ARMH4: variants seen among roughly 807,000 people sequenced by gnomAD.
ARMH4 encodes the protein armadillo like helical domain containing 4, also known as armadillo-like helical domain-containing protein 4.
A neutral mutation model predicts 61.9 loss-of-function variants in ARMH4; 49 were observed. That is an observed-to-expected ratio of 0.79 (90% CI 0.63 to 1.00). The LOEUF (loss-of-function observed/expected upper bound fraction) is 1.00, where lower values mean the gene tolerates loss of function less well. Among genes scored for constraint, ARMH4 ranks in the 50% least tolerant of loss-of-function variants. The pLI, the probability that ARMH4 is intolerant of heterozygous loss-of-function variation, is 0.00. For missense variants in ARMH4, 934 were observed against 930.0 expected, an observed-to-expected ratio of 1.00 and a Z score of -0.06; for synonymous variants, 368 against 341.5, an observed-to-expected ratio of 1.08 and a Z score of -0.85.
At position 58,051,099 on chromosome 14, in the gene ARMH4, AAGGATC is replaced by A. The variant is rs1884125210; in HGVS notation, c.2090-38955_2090-38950del. Among the ~76,000 whole-genome samples the A allele has an allele frequency of 2.0e-5, 3 of 151,282 alleles. No homozygotes were observed. In the East Asian group the frequency reaches 5.8e-4, roughly 29 times the overall value. ...TTGATCAGGCACCCATACGAGATTC[AAGGATC>A]TATTTGGGGGAGGGGGTTAACAAAT... On this transcript the variant is annotated intron_variant, in intron 5 of 7. Transcript: ENST00000267485.
intron 6 of ARMH4, among the ~76,000 whole-genome samples, chr14:58,011,107 T>C (rs1006842738): frequency 5.9e-5 from 9 of 152,156 alleles, no homozygotes; most frequent in Non-Finnish European, 1.0e-4. Context: ...ATGGCCTCCA[T>C]TGACCTCAAC....
At chr14:58,128,332 T>A (rs768840554) in intron 4 of ARMH4, among the ~76,000 whole-genome samples, 24 of 152,340 alleles carry the variant, frequency 1.6e-4, no homozygotes, top group Non-Finnish European at 3.1e-4. Flanking sequence ...ACAAAGATCA[T>A]GTCCAAAAAT....
intron 4 of ARMH4, among the ~76,000 whole-genome samples, chr14:58,105,071 C>A (rs1566582180): frequency 1.3e-5 from 2 of 152,094 alleles, no homozygotes; most frequent in Non-Finnish European, 2.9e-5. Context: ...TAGTTACACC[C>A]AAAATAAATA....
chr14:58,138,088 G>A lies in ARMH4; in HGVS notation c.1271C>T (p.Ser424Phe). The change falls in exon 2 of 8, where the codon TCC becomes TTC. Residue 424 changes from serine (S) to phenylalanine (F), a missense_variant. Physicochemically the swap from Ser to Phe is radical, Grantham distance 155. Coordinates refer to ENST00000267485, the MANE Select transcript of ARMH4 (RefSeq NM_001001872.4). ...LLQSTGDFTE[S>F]TKENDALFFL... is the part of the protein sequence containing the mutation. ...AAACAGGGCATCGTTTTCCTTGGTG[G>A]ATTCCGTGAAGTCTCCCGTACTTTG... The A allele has an allele frequency of 6.2e-7, 1 of 1,614,214 alleles. No individual in the cohort carries two copies. Among genetic ancestry groups the A allele is most frequent in the South Asian group, 1.1e-5 (1 of 91,074 alleles).
intron 5 of ARMH4, among the ~76,000 whole-genome samples, chr14:58,077,713 G>A (rs764832219): frequency 5.3e-5 from 8 of 152,136 alleles, no homozygotes; most frequent in Non-Finnish European, 1.5e-5. Flanking sequence ...ACTGAAGCTC[G>A]GAGAGGTTAA....
intron 2 of ARMH4, among the ~76,000 whole-genome samples, chr14:58,135,493 T>G (rs1887274176): frequency 6.6e-6 from 1 of 152,222 alleles, no homozygotes; most frequent in South Asian, 2.1e-4. Context: ...TGTAATTTTA[T>G]GAAATAGCAA....
rs79684806 is a variant in ARMH4 at position 58,006,447 on chromosome 14, C to G, written c.2122-1265G>C. ...TGAAGTATGCAGGCTGTGATGTTTT[C>G]CCAACATTTCTAGCAGGACATCCAA... On this transcript the variant is annotated intron_variant, in intron 6 of 7. Transcript: ENST00000267485. Among the ~76,000 whole-genome samples the G allele has an allele frequency of 9.1e-3, 1,378 of 152,172 alleles. 15 individuals carry two copies. The highest frequency in any genetic ancestry group is 0.031 in the African/African-American group (1,273 of 41,512).
Position 58,138,232 on chromosome 14 carries a change from G to T in ARMH4, c.1127C>A (p.Thr376Lys). 1 of 1,614,092 alleles carries T rather than the reference G, an allele frequency of 6.2e-7. No homozygotes were observed. Among genetic ancestry groups the T allele is most frequent in the Non-Finnish European group, 8.5e-7 (1 of 1,180,030 alleles). Reference protein sequence around the residue: ...ALGLPEGETHTGTALLIAHGN... With the variant: ...ALGLPEGETHKGTALLIAHGN... ...ATGCGCTATTAGCAGGGCTGTGCCC[G>T]TGTGTGTTTCCCCTTCAGGCAGCCC... The change falls in exon 2 of 8, where the codon ACG (threonine) becomes AAG (lysine). Residue 376 changes from threonine to lysine, a missense_variant. Thr to Lys is a moderately conservative substitution (Grantham distance 78, BLOSUM62 -1). Coordinates refer to ENST00000267485, the MANE Select transcript of ARMH4 (RefSeq NM_001001872.4).
In ARMH4 at chr14:58,097,001, A is replaced by G; in HGVS notation, c.1832-20T>C. The G allele has an allele frequency of 6.2e-7, 1 of 1,609,128 alleles. No individual in the cohort carries two copies. Among genetic ancestry groups the G allele is most frequent in the Non-Finnish European group, 8.5e-7 (1 of 1,176,244 alleles). On this transcript the variant is annotated intron_variant, in intron 4 of 7. Coordinates refer to ENST00000267485, the MANE Select transcript of ARMH4 (RefSeq NM_001001872.4). The stretch of plus-strand genomic sequence containing the variant: ...GTCCCTCTAGGCAAAAAGAAATCAA[A>G]GGGAAGCATAAACATATAATGAGTT...
intron 4 of ARMH4, among the ~76,000 whole-genome samples, chr14:58,127,156 C>G (rs909161119): frequency 5.9e-5 from 9 of 152,234 alleles, no homozygotes; most frequent in Middle Eastern, 3.4e-3. Context: ...TTCATAAGGT[C>G]TATAATAAGC....
intron 2 of ARMH4, among the ~76,000 whole-genome samples, chr14:58,133,595 T>C (rs946040368): frequency 6.6e-6 from 1 of 151,980 alleles, no homozygotes; most frequent in Non-Finnish European, 1.5e-5. Context: ...TAAAACAAAG[T>C]AGGAAGATCA....
At chr14:58,019,330 T>C (rs1334007264) in intron 5 of ARMH4, among the ~76,000 whole-genome samples, 1 of 152,210 alleles carries the variant, frequency 6.6e-6, no homozygotes, top group East Asian at 1.9e-4. Context: ...CTACAATGTA[T>C]ACATATTTCA....
intron 5 of ARMH4, among the ~76,000 whole-genome samples, chr14:58,063,836 T>C (rs1884614492): frequency 6.6e-6 from 1 of 152,136 alleles, no homozygotes. Context: ...ACAATAAAAC[T>C]AACAAACAGA....
chr14:58,087,461 A>C (rs1885419984), intron 5 of ARMH4, among the ~76,000 whole-genome samples: 2 of 152,150 alleles, frequency 1.3e-5, no homozygotes, highest in Admixed American at 6.5e-5. Context: ...AGCGACACTC[A>C]ACTAACTCTA....
intron 3 of ARMH4, among the ~76,000 whole-genome samples, chr14:58,132,376 A>G (rs115595951): frequency 0.016 from 2,459 of 152,262 alleles, 62 homozygotes; most frequent in African/African-American, 0.056. Context: ...AAGCTTACAG[A>G]AGTTAAGAAA....
chr14:58,081,926 T>C (rs1345366421), intron 5 of ARMH4, among the ~76,000 whole-genome samples: 1 of 151,484 alleles, frequency 6.6e-6, no homozygotes, highest in Non-Finnish European at 1.5e-5. Context: ...AATTAAAATA[T>C]ATAATTAACC....
chr14:58,090,133 T>C (rs1244962602), intron 5 of ARMH4, among the ~76,000 whole-genome samples: 2 of 152,184 alleles, frequency 1.3e-5, no homozygotes, highest in Non-Finnish European at 2.9e-5. Flanking sequence ...ATTCCAATGT[T>C]AGATGTAGAC....
intron 4 of ARMH4, among the ~76,000 whole-genome samples, chr14:58,097,789 T>TC (rs970334480): frequency 3.0e-4 from 46 of 152,142 alleles, no homozygotes; most frequent in Middle Eastern, 6.8e-3. Context: ...CACCACAGTC[T>TC]CAGACTCCTG....
chr14:58,084,574 T>C (rs1447640734), intron 5 of ARMH4, among the ~76,000 whole-genome samples: 4 of 152,178 alleles, frequency 2.6e-5, no homozygotes, highest in Non-Finnish European at 1.5e-5. Context: ...CAAGGATTCA[T>C]CAAATCCTTC....
Sources: gnomAD v4.1 joint callset for allele counts (sites outside exome capture counted in the v4.1 genomes callset) on GRCh38, gnomAD v4.1.1 for gene constraint, MANE v1.5 for transcripts, NCBI Gene and HGNC (gene_info 2026-07-23, HGNC 2026-07-21) for gene names.